The following COL27A1 variants were observed in gnomAD, a reference collection of about 807,000 sequenced individuals.
The protein encoded by COL27A1 is collagen type XXVII alpha 1 chain.
In COL27A1, 106 loss-of-function variants were observed where a neutral mutation model predicts 251.3. That is an observed-to-expected ratio of 0.42 (90% CI 0.36 to 0.50). The LOEUF (loss-of-function observed/expected upper bound fraction) is 0.50. Ranked by LOEUF, COL27A1 falls within the 20% of genes least tolerant of loss-of-function variation. The pLI, the probability that COL27A1 is intolerant of heterozygous loss-of-function variation, is 0.00. For synonymous variants in COL27A1, 1,000 were observed against 986.3 expected (o/e 1.01, Z -0.26); for missense variants, 2,325 against 2,522.8 (o/e 0.92, Z 1.68).
At chr9:114,181,099 C>T (rs576979797) in intron 4 of COL27A1, among the ~76,000 whole-genome samples, 5 of 152,268 alleles carry the variant, frequency 3.3e-5, no homozygotes, top group Non-Finnish European at 5.9e-5. Context: ...GGGTGAACAT[C>T]GGAGGGTGTT....
intron 7 of COL27A1, among the ~76,000 whole-genome samples, chr9:114,200,209 T>C (rs72762620): frequency 3.9e-5 from 6 of 152,308 alleles, no homozygotes; most frequent in Non-Finnish European, 5.9e-5. Context: ...CTCAAGAAAC[T>C]TCTCCAGGCT....
intron 3 of COL27A1, among the ~76,000 whole-genome samples, chr9:114,173,295 C>T (rs1031612785): frequency 2.6e-5 from 4 of 152,242 alleles, no homozygotes; most frequent in Non-Finnish European, 4.4e-5. Flanking sequence ...AATGTCCCCT[C>T]GGGAAGACGC....
chr9:114,160,608 T>G (rs1588545062), intron 1 of COL27A1, among the ~76,000 whole-genome samples: 1 of 137,626 alleles, frequency 7.3e-6, no homozygotes, highest in Non-Finnish European at 1.5e-5. Context: ...GAGGCTGAGG[T>G]GGGAGGATAG....
At chr9:114,265,034 G>A in intron 30 of COL27A1, 32 bp from the exon 31 acceptor site, 1 of 1,613,612 alleles carries the variant, frequency 6.2e-7, no homozygotes, top group Non-Finnish European at 8.5e-7. Flanking sequence ...TTTGTGATCT[G>A]AGCCTGTAAT....
rs547523923 is a variant in COL27A1, at chr9:114,269,362, G to A, written c.3555+68G>A. On this transcript the variant is annotated intron_variant, in intron 35 of 60. Coordinates refer to ENST00000356083, the MANE Select transcript of COL27A1 (RefSeq NM_032888.4). Reference sequence around the variant, plus strand: ...TGTGGGTGCCGCAGGGGAAGAGACCGGCTTTTCTCAATCTCCCTAAGCCTC... The same window carrying A: ...TGTGGGTGCCGCAGGGGAAGAGACCAGCTTTTCTCAATCTCCCTAAGCCTC... The A allele has an allele frequency of 6.9e-5, 80 of 1,166,792 alleles. 1 individual carries two copies. Among genetic ancestry groups the A allele is most frequent in the South Asian group, 1.7e-4 (12 of 72,000 alleles). The allele number at this position is 1,166,792 out of a possible 1,614,324, so 72.3% of individuals were successfully genotyped here.
intron 21 of COL27A1, among the ~76,000 whole-genome samples, chr9:114,240,710 C>T (rs971934714): frequency 6.6e-6 from 1 of 152,238 alleles, no homozygotes; most frequent in East Asian, 1.9e-4. Flanking sequence ...GGGTGGCTTC[C>T]CCGCACCCTC....
Position 114,249,989 on chromosome 9 carries a change from G to A in COL27A1, c.2980-626G>A, listed in dbSNP as rs150610124. 1.9e-4 allele frequency among the ~76,000 whole-genome samples: 29 copies of A among 152,308 alleles called. No individual in the cohort carries two copies. The East Asian group carries it at 5.6e-3, about 29-fold the overall frequency. ...CGCGTGTGCGTGTTTGCTTGCTCAG[G>A]GAGACGGCAAGGACTGGGGCCACCT... On this transcript the variant is annotated intron_variant, in intron 24 of 60. Coordinates refer to ENST00000356083, the MANE Select transcript of COL27A1 (RefSeq NM_032888.4).
intron 28 of COL27A1, among the ~76,000 whole-genome samples, chr9:114,261,711 G>A (rs80258456): frequency 0.03 from 4,512 of 152,280 alleles, 215 homozygotes; most frequent in African/African-American, 0.1. Flanking sequence ...GTATACCCCC[G>A]GTGACGGGGA....
chr9:114,184,249 T>C (rs573420425), intron 5 of COL27A1, among the ~76,000 whole-genome samples: 81 of 152,310 alleles, frequency 5.3e-4, no homozygotes, highest in African/African-American at 1.9e-3. Flanking sequence ...ATAACCCAGC[T>C]GCAGAGGTTG....
intron 12 of COL27A1, among the ~76,000 whole-genome samples, chr9:114,211,243 C>G (rs985386806): frequency 6.6e-6 from 1 of 152,228 alleles, no homozygotes; most frequent in Non-Finnish European, 1.5e-5. Context: ...CTCTGGACCC[C>G]TCTGGGGTAG....
At chr9:114,175,881 A>G (rs975096049) in intron 3 of COL27A1, among the ~76,000 whole-genome samples, 1 of 152,192 alleles carries the variant, frequency 6.6e-6, no homozygotes, top group Non-Finnish European at 1.5e-5. Context: ...TCACTTGATA[A>G]TGTAGCAGAG....
intron 37 of COL27A1, among the ~76,000 whole-genome samples, chr9:114,281,345 A>G (rs2135697607): frequency 6.6e-6 from 1 of 152,134 alleles, no homozygotes; most frequent in Non-Finnish European, 1.5e-5. Context: ...ACTTGCACAC[A>G]CTCACTCACC....
At position 114,213,027 on chromosome 9, in the gene COL27A1, C is replaced by T. The variant is rs1001472530; in HGVS notation, c.2367+2001C>T. On this transcript the variant is annotated intron_variant, in intron 12 of 60. Coordinates refer to ENST00000356083, the MANE Select transcript of COL27A1 (RefSeq NM_032888.4). Reference sequence around the variant, plus strand: ...GAGCCTTACCAAGGGCCAGGCGTTGCTCCTTTACAGATGAGATCGCTTCTC... The same window carrying T: ...GAGCCTTACCAAGGGCCAGGCGTTGTTCCTTTACAGATGAGATCGCTTCTC... Among the ~76,000 whole-genome samples the T allele has an allele frequency of 6.3e-4, 96 of 152,314 alleles. 1 individual carries two copies. Among genetic ancestry groups the T allele is most frequent in the African/African-American group, 2.3e-3 (95 of 41,564 alleles).
chr9:114,300,395 A>C, intron 50 of COL27A1: 1 of 585,468 alleles, frequency 1.7e-6, no homozygotes, highest in South Asian at 2.2e-5. Context: ...ACAGTAGAAG[A>C]CTGTTGCAAA....
At chr9:114,154,199 CCG>C (rs549199957), upstream of COL27A1, among the ~76,000 whole-genome samples, 1 of 152,158 alleles carries the variant, frequency 6.6e-6, no homozygotes, top group Non-Finnish European at 1.5e-5. This position sits in a 1 kb window ranked among gnomAD's most constrained non-coding sequence, Gnocchi z 5.8. Context: ...CGGCGCAGTC[CCG>C]CGCGCCCATG....
At chr9:114,186,475 C>T (rs1034383351) in intron 5 of COL27A1, among the ~76,000 whole-genome samples, 2 of 152,190 alleles carry the variant, frequency 1.3e-5, no homozygotes, top group Non-Finnish European at 2.9e-5. Flanking sequence ...TGCAGACTTA[C>T]ACCATGATTA....
intron 37 of COL27A1, among the ~76,000 whole-genome samples, chr9:114,281,254 T>C (rs904171544): frequency 6.6e-6 from 1 of 152,218 alleles, no homozygotes; most frequent in Non-Finnish European, 1.5e-5. Flanking sequence ...CCCCACTCCC[T>C]CCATCCTGAC....
chr9:114,245,703 G>A (rs912343797), intron 23 of COL27A1, among the ~76,000 whole-genome samples, 163 bp from the exon 24 acceptor site: 10 of 152,176 alleles, frequency 6.6e-5, no homozygotes. Context: ...GTACCCCTTT[G>A]ACTCTGCCCA....
intron 32 of COL27A1, among the ~76,000 whole-genome samples, chr9:114,265,729 AGAT>A (rs1221212234): frequency 6.6e-6 from 1 of 152,238 alleles, no homozygotes; most frequent in African/African-American, 2.4e-5. Context: ...TCTGTTGTGA[AGAT>A]GAAATGCGAA....
Sources: gnomAD v4.1 joint callset for allele counts (sites outside exome capture counted in the v4.1 genomes callset) on GRCh38, gnomAD v4.1.1 for gene constraint, Gnocchi (gnomAD v3.1) non-coding constraint, MANE v1.5 for transcripts, NCBI Gene and HGNC (gene_info 2026-07-23, HGNC 2026-07-21) for gene names.